SLC14A1: variants seen among roughly 807,000 people sequenced by gnomAD.
SLC14A1 encodes urea transporter 1.
In SLC14A1, 36 loss-of-function variants were observed where a neutral mutation model predicts 39.6. That is an observed-to-expected ratio of 0.91 (90% CI 0.70 to 1.20). The LOEUF is 1.20. Ranked by LOEUF, SLC14A1 falls within the 50% of genes most tolerant of loss-of-function variation. The pLI, the probability that SLC14A1 is intolerant of heterozygous loss-of-function variation, is 0.00. For missense variants in SLC14A1, 469 were observed against 478.7 expected (o/e 0.98, Z 0.19); for synonymous variants, 164 against 173.6 (o/e 0.94, Z 0.43).
intron 6 of SLC14A1, among the ~76,000 whole-genome samples, chr18:45,737,071 C>T (rs1279650935): frequency 6.6e-6 from 1 of 152,330 alleles, no homozygotes; most frequent in South Asian, 2.1e-4. Context: ...CTCTATTCTG[C>T]TTTTCCTTAT....
intron 4 of SLC14A1, among the ~76,000 whole-genome samples, chr18:45,732,792 T>A (rs111539236): frequency 5.9e-5 from 9 of 152,324 alleles, no homozygotes; most frequent in African/African-American, 2.2e-4. Context: ...CCTTTCACGG[T>A]GCCAGACGTT....
At chr18:45,725,608 C>A (rs534559328) in intron 2 of SLC14A1, among the ~76,000 whole-genome samples, 1 of 152,324 alleles carries the variant, frequency 6.6e-6, no homozygotes, top group East Asian at 1.9e-4. Context: ...TCTGCATACT[C>A]CAGCACACAG....
chr18:45,745,477 G>A (rs1324806040), intron 8 of SLC14A1, among the ~76,000 whole-genome samples: 1 of 152,064 alleles, frequency 6.6e-6, no homozygotes, highest in Non-Finnish European at 1.5e-5. Flanking sequence ...ATTGCTCAAG[G>A]CTGTGGAGAT....
Position 45,751,265 on chromosome 18 carries a change from A to G in SLC14A1, c.*1314A>G, listed in dbSNP as rs2047694933. ...TGAGGTGGGAAAATGACTTGAGCCC[A>G]GGAGGAGGAGGCTGCAGTGAGCTAA... On this transcript the variant is annotated 3_prime_UTR_variant, in exon 10 of 10. Coordinates refer to ENST00000321925, the MANE Select transcript of SLC14A1 (RefSeq NM_015865.7). 1 of 552,510 alleles carries G rather than the reference A, an allele frequency of 1.8e-6. No homozygotes were observed. The highest frequency in any genetic ancestry group is 2.3e-6 in the Non-Finnish European group (1 of 436,658). The allele number at this position is 552,510 out of a possible 1,614,324, so 34.2% of individuals were successfully genotyped here.
chr18:45,739,849 A>C (rs545200777), intron 8 of SLC14A1, 187 bp downstream of exon 8: 1 of 672,852 alleles, frequency 1.5e-6, no homozygotes, highest in Admixed American at 2.3e-5. Flanking sequence ...ACCTCTGCCT[A>C]CCTCTCTGAT....
chr18:45,725,595 C>CT (rs2046843289), intron 2 of SLC14A1, among the ~76,000 whole-genome samples: 1 of 152,200 alleles, frequency 6.6e-6, no homozygotes, highest in South Asian at 2.1e-4. Context: ...AGTCCTAGCC[C>CT]TCTCTGCATA....
Position 45,751,709 on chromosome 18 carries a change from G to T in SLC14A1, c.*1758G>T, listed in dbSNP as rs1435220497. 2.2e-6 allele frequency: 1 copy of T among 462,532 alleles called. No individual in the cohort carries two copies. Among genetic ancestry groups the T allele is most frequent in the Admixed American group, 6.4e-5 (1 of 15,590 alleles). 28.7% of individuals were successfully genotyped at this position (462,532 alleles called of 1,614,324 possible). On this transcript the variant is annotated 3_prime_UTR_variant, in exon 10 of 10. Transcript: ENST00000321925. ...GTGGAAAGATCGCTTGTGCACAGAAGTTCGAGGCTGCAGTGAGCTATATGA... is the reference window on the plus strand; with the variant it reads ...GTGGAAAGATCGCTTGTGCACAGAATTTCGAGGCTGCAGTGAGCTATATGA...
At chr18:45,743,350 A>G (rs534996) in intron 8 of SLC14A1, among the ~76,000 whole-genome samples, 140,929 of 152,218 alleles carry the variant, frequency 0.93, 65,263 homozygotes, top group East Asian at 1. Context: ...TTTAAGATGT[A>G]GACGTCTTTG....
At chr18:45,749,468 G>C (rs987597307) in intron 9 of SLC14A1, among the ~76,000 whole-genome samples, 1 of 152,110 alleles carries the variant, frequency 6.6e-6, no homozygotes, top group African/African-American at 2.4e-5. Context: ...GCCATTTGCA[G>C]TTTGCAAGTG....
intron 2 of SLC14A1, chr18:45,729,159 T>C (rs2046952912): frequency 6.6e-6 from 1 of 152,164 alleles, no homozygotes; most frequent in African/African-American, 2.4e-5. Context: ...TCTTTGGTAG[T>C]GTCTTATGTG....
intron 4 of SLC14A1, among the ~76,000 whole-genome samples, chr18:45,732,654 C>T (rs1224650728): frequency 1.3e-5 from 2 of 152,180 alleles, no homozygotes; most frequent in Non-Finnish European, 2.9e-5. Context: ...CAGTGTGGCT[C>T]ACTGGCTATA....
At chr18:45,727,071 C>G (rs1264896820) in intron 2 of SLC14A1, 1 of 559,032 alleles carries the variant, frequency 1.8e-6, no homozygotes, top group Non-Finnish European at 3.2e-6. Flanking sequence ...TTTCTGCCCA[C>G]TGAGAGCTCT....
intron 8 of SLC14A1, 137 bp from the exon 9 acceptor site, chr18:45,748,239 A>G: frequency 1.1e-6 from 1 of 901,156 alleles, no homozygotes; most frequent in Non-Finnish European, 1.9e-6. Context: ...ATTTGAACCC[A>G]GGACTGCTGA....
intron 7 of SLC14A1, 46 bp from the exon 8 acceptor site, chr18:45,739,482 A>T (rs779427856): frequency 3.1e-6 from 5 of 1,613,880 alleles, no homozygotes; most frequent in Non-Finnish European, 4.2e-6. Context: ...TCCTTCCAGA[A>T]CATCCTGCCT....
intron 4 of SLC14A1, among the ~76,000 whole-genome samples, chr18:45,733,738 C>A (rs555741976): frequency 6.6e-6 from 1 of 152,360 alleles, no homozygotes; most frequent in South Asian, 2.1e-4. Flanking sequence ...GGGTCCCCAA[C>A]CCCTGCACTG....
chr18:45,733,203 A>G (rs1001590775), intron 4 of SLC14A1, among the ~76,000 whole-genome samples: 2 of 152,190 alleles, frequency 1.3e-5, no homozygotes, highest in Non-Finnish European at 2.9e-5. Context: ...GCATCATGCA[A>G]TACATCTATG....
chr18:45,734,100 A>T, intron 4 of SLC14A1, 174 bp from the exon 5 acceptor site: 1 of 756,788 alleles, frequency 1.3e-6, no homozygotes, highest in Non-Finnish European at 2.2e-6. Flanking sequence ...TGTATATTTC[A>T]CTTCATGTCT....
Position 45,752,411 on chromosome 18 carries a change from G to A in SLC14A1, c.*2460G>A. 1 of 228,818 alleles carries A rather than the reference G, an allele frequency of 4.4e-6. No individual in the cohort carries two copies. The highest frequency in any genetic ancestry group is 7.2e-6 in the Non-Finnish European group (1 of 138,160). 14.2% of individuals were successfully genotyped at this position (228,818 alleles called of 1,614,324 possible). On this transcript the variant is annotated 3_prime_UTR_variant, in exon 10 of 10. Transcript: ENST00000321925. ...ATATTAATTTTCTCAAGCTATTTTTGTTACTATTTTCCTAAAATTGAATAT... is the reference window on the plus strand; with the variant it reads ...ATATTAATTTTCTCAAGCTATTTTTATTACTATTTTCCTAAAATTGAATAT...
At chr18:45,733,645 C>G (rs776296948) in intron 4 of SLC14A1, among the ~76,000 whole-genome samples, 5 of 152,202 alleles carry the variant, frequency 3.3e-5, no homozygotes, top group Non-Finnish European at 7.3e-5. Context: ...GAGCAGATTG[C>G]CTTACTAAAC....
Sources: gnomAD v4.1 joint callset for allele counts (sites outside exome capture counted in the v4.1 genomes callset) on GRCh38, gnomAD v4.1.1 for gene constraint, MANE v1.5 for transcripts, NCBI Gene and HGNC (gene_info 2026-07-23, HGNC 2026-07-21) for gene names.